Variants in ACBD6 observed in about 807,000 individuals in gnomAD.
The protein encoded by ACBD6 is acyl-CoA binding domain containing 6, also known as acyl-CoA-binding domain-containing protein 6.
A neutral mutation model predicts 37.2 loss-of-function variants in ACBD6; 28 were observed. The observed-to-expected ratio is 0.75, with a 90% CI of 0.56 to 1.03. The LOEUF is 1.03. Among genes scored for constraint, ACBD6 ranks in the 50% least tolerant of loss-of-function variants. ACBD6 has a pLI of 0.00. For missense variants in ACBD6, 340 were observed against 337.4 expected, an observed-to-expected ratio of 1.01 and a Z score of -0.06; for synonymous variants, 113 against 126.8, an observed-to-expected ratio of 0.89 and a Z score of 0.73.
chr1:180,310,409 G>T (rs1650540346), intron 7 of ACBD6, among the ~76,000 whole-genome samples: 1 of 152,016 alleles, frequency 6.6e-6, no homozygotes, highest in African/African-American at 2.4e-5. Flanking sequence ...TTATAGACAG[G>T]GGCTTACAGA....
intron 3 of ACBD6, among the ~76,000 whole-genome samples, chr1:180,432,187 T>C (rs192120979): frequency 8.7e-4 from 125 of 143,202 alleles, no homozygotes; most frequent in African/African-American, 2.9e-3. Context: ...AGCCTGGCAA[T>C]AGAGCAAGAT....
intron 1 of ACBD6, among the ~76,000 whole-genome samples, chr1:180,497,481 G>A (rs1006180181): frequency 6.6e-6 from 1 of 152,086 alleles, no homozygotes; most frequent in African/African-American, 2.4e-5. Context: ...TTTTAGTCTT[G>A]TAATCCCTTT....
chr1:180,319,648 A>G (rs1011154333), intron 6 of ACBD6, among the ~76,000 whole-genome samples: 29 of 151,816 alleles, frequency 1.9e-4, no homozygotes, highest in African/African-American at 6.5e-4. Flanking sequence ...TCTCCCCTAT[A>G]CCCCTGCAAC....
chr1:180,325,563 T>C (rs1490141555), intron 6 of ACBD6, among the ~76,000 whole-genome samples: 3 of 149,706 alleles, frequency 2.0e-5, no homozygotes, highest in Non-Finnish European at 2.9e-5. Flanking sequence ...CCAGGACTGG[T>C]CCCTGGTGTC....
chr1:180,431,224 G>A (rs186409560), intron 3 of ACBD6, among the ~76,000 whole-genome samples: 33 of 151,276 alleles, frequency 2.2e-4, no homozygotes, highest in Non-Finnish European at 3.7e-4. Context: ...CCCCTTCCCC[G>A]GAGATAGCAT....
At chr1:180,409,200 A>C (rs1482482099) in intron 5 of ACBD6, among the ~76,000 whole-genome samples, 1 of 152,184 alleles carries the variant, frequency 6.6e-6, no homozygotes, top group Non-Finnish European at 1.5e-5. Context: ...AGAAGGATGC[A>C]GGTAAGAGAG....
intron 6 of ACBD6, among the ~76,000 whole-genome samples, chr1:180,389,132 C>A (rs532017641): frequency 2.3e-4 from 35 of 152,158 alleles, no homozygotes; most frequent in Admixed American, 5.9e-4. Context: ...TTAGGTATAT[C>A]TCCTAATGTT....
At chr1:180,288,986 A>C (rs904231512) in intron 7 of ACBD6, among the ~76,000 whole-genome samples, 1 of 151,812 alleles carries the variant, frequency 6.6e-6, no homozygotes, top group African/African-American at 2.4e-5. Flanking sequence ...ACAATTTGTA[A>C]ATTTTTTAAA....
chr1:180,271,552 C>T (rs2149266476), exon 14 of ACBD6: 1 of 1,613,826 alleles, frequency 6.2e-7, no homozygotes, highest in Admixed American at 1.7e-5. Flanking sequence ...GCCAGCACTC[C>T]TGTGCCCTCC....
At chr1:180,318,161 C>CCG (rs1182015118) in intron 6 of ACBD6, among the ~76,000 whole-genome samples, 2 of 42,720 alleles carry the variant, frequency 4.7e-5, no homozygotes, top group South Asian at 6.8e-4. Context: ...GATTCCATCT[C>CCG]CGCCCCCCCC....
At chr1:180,364,992 C>A (rs945029888) in intron 6 of ACBD6, among the ~76,000 whole-genome samples, 4 of 152,160 alleles carry the variant, frequency 2.6e-5, no homozygotes, top group Admixed American at 2.0e-4. Flanking sequence ...CTTGGCCTCC[C>A]AAAGTGCTGG....
At chr1:180,397,365 G>A (rs1476122263) in intron 6 of ACBD6, 151 bp downstream of exon 6, 25 of 736,436 alleles carry the variant, frequency 3.4e-5, no homozygotes, top group Admixed American at 1.8e-4. Flanking sequence ...ACAGTATTAC[G>A]GAACTATATA....
chr1:180,327,651 G>A (rs1651305556), intron 6 of ACBD6, among the ~76,000 whole-genome samples: 1 of 152,128 alleles, frequency 6.6e-6, no homozygotes, highest in South Asian at 2.1e-4. Flanking sequence ...ATTAATTTTA[G>A]TCTTTAATTT....
Position 180,459,012 on chromosome 1 carries a change from C to T in ACBD6, c.385-28750G>A, listed in dbSNP as rs115584967. 7.3e-3 allele frequency among the ~76,000 whole-genome samples: 1,111 copies of T among 152,032 alleles called. 10 individuals carry two copies. The highest frequency in any genetic ancestry group is 0.013 in the Non-Finnish European group (874 of 67,966). On this transcript the variant is annotated intron_variant, in intron 3 of 7. Transcript: ENST00000367595. ...AGTTTTATTAGAAGTTTTATTAGAA[C>T]CTCAAAGTTCTAATAAAAGTAATGA...
At chr1:180,362,703 A>G (rs1652894672) in intron 6 of ACBD6, among the ~76,000 whole-genome samples, 2 of 152,186 alleles carry the variant, frequency 1.3e-5, no homozygotes, top group South Asian at 4.1e-4. Context: ...TTAGGCCTTA[A>G]AAGTTGAGAT....
chr1:180,333,314 T>C (rs893557359), intron 6 of ACBD6, among the ~76,000 whole-genome samples: 1 of 152,186 alleles, frequency 6.6e-6, no homozygotes, highest in Admixed American at 6.5e-5. Flanking sequence ...TAGAAAATAA[T>C]TGGATATGCA....
chr1:180,367,858 G>C (rs933994835), intron 6 of ACBD6, among the ~76,000 whole-genome samples: 4 of 152,148 alleles, frequency 2.6e-5, no homozygotes, highest in African/African-American at 9.7e-5. Flanking sequence ...ACATTCACGT[G>C]CATGTGTCTT....
At chr1:180,407,695 T>C (rs1386116102) in intron 5 of ACBD6, among the ~76,000 whole-genome samples, 1 of 152,206 alleles carries the variant, frequency 6.6e-6, no homozygotes, top group African/African-American at 2.4e-5. Context: ...GTTATATGGA[T>C]TTGAGCAAGT....
At chr1:180,328,320 C>T (rs1022942808) in intron 6 of ACBD6, among the ~76,000 whole-genome samples, 1 of 151,822 alleles carries the variant, frequency 6.6e-6, no homozygotes, top group Non-Finnish European at 1.5e-5. Context: ...TACATACACA[C>T]ATACATATTC....
Sources: gnomAD v4.1 joint callset for allele counts (sites outside exome capture counted in the v4.1 genomes callset) on GRCh38, gnomAD v4.1.1 for gene constraint, MANE v1.5 for transcripts, NCBI Gene and HGNC (gene_info 2026-07-23, HGNC 2026-07-21) for gene names.